The following THEMIS variants were observed in gnomAD, a reference collection of about 807,000 sequenced individuals.
THEMIS encodes the protein protein THEMIS.
THEMIS carries 37 observed loss-of-function variants against 52.6 expected under a neutral mutation model. The observed-to-expected ratio is 0.70, with a 90% CI of 0.54 to 0.93. THEMIS has a LOEUF of 0.93. Among genes scored for constraint, THEMIS ranks in the 40% least tolerant of loss-of-function variants. The probability of loss-of-function intolerance (pLI) is 0.00; values close to 1 mark genes in which losing one functional copy is unlikely to be tolerated. For synonymous variants in THEMIS, 292 were observed against 272.7 expected, an observed-to-expected ratio of 1.07 and a Z score of -0.70; for missense variants, 808 against 763.1, an observed-to-expected ratio of 1.06 and a Z score of -0.69.
Position 127,708,310 on chromosome 6 carries a change from T to C in THEMIS, c.*1675A>G, listed in dbSNP as rs1773859310. 1 of 152,114 alleles carries C rather than the reference T, an allele frequency of 6.6e-6. No homozygotes were observed. The highest frequency in any genetic ancestry group is 2.1e-4 in the South Asian group (1 of 4,832). 9.4% of individuals were successfully genotyped at this position (152,114 alleles called of 1,614,324 possible). A position where few individuals can be genotyped will look rare whatever the true frequency, so the allele number is the denominator to read the frequency against. On this transcript the variant is annotated 3_prime_UTR_variant, in exon 6 of 6. Coordinates refer to ENST00000368248, the MANE Select transcript of THEMIS (RefSeq NM_001010923.3). The stretch of plus-strand genomic sequence containing the variant: ...CTGGAAACACAGTATGTGAAAGGAC[T>C]TATATTTAGAAATGTTATATATGAT...
At chr6:127,894,488 A>G (rs1018918747) in intron 1 of THEMIS, among the ~76,000 whole-genome samples, 1 of 152,024 alleles carries the variant, frequency 6.6e-6, no homozygotes, top group Non-Finnish European at 1.5e-5. Flanking sequence ...ACATGGCAAA[A>G]GTTATAGGAA....
chr6:127,778,361 A>C (rs562644771), intron 4 of THEMIS, among the ~76,000 whole-genome samples: 3 of 152,256 alleles, frequency 2.0e-5, no homozygotes, highest in South Asian at 2.1e-4. Context: ...ATAATCAACG[A>C]ACATCTGTTT....
intron 5 of THEMIS, among the ~76,000 whole-genome samples, chr6:127,712,629 A>G (rs964758853): frequency 9.2e-5 from 14 of 151,906 alleles, no homozygotes; most frequent in African/African-American, 3.4e-4. Context: ...TAACTGAGGT[A>G]TTTGGAATCA....
chr6:127,874,870 G>T (rs187208911), intron 1 of THEMIS, among the ~76,000 whole-genome samples: 4 of 152,328 alleles, frequency 2.6e-5, no homozygotes, highest in African/African-American at 9.6e-5. Flanking sequence ...GTTGAGTAAA[G>T]CAGGGGTCTG....
intron 1 of THEMIS, among the ~76,000 whole-genome samples, chr6:127,872,431 G>A (rs1780185048): frequency 6.6e-6 from 1 of 151,990 alleles, no homozygotes; most frequent in Non-Finnish European, 1.5e-5. Flanking sequence ...AATTAGCCGG[G>A]CACAATGGCA....
chr6:127,898,910 T>TA (rs996354237), intron 1 of THEMIS, among the ~76,000 whole-genome samples: 1 of 151,654 alleles, frequency 6.6e-6, no homozygotes, highest in South Asian at 2.1e-4. Flanking sequence ...TTGTGGGAGC[T>TA]AAAAAAATTG....
chr6:127,817,279 A>G (rs1304327157), intron 3 of THEMIS, among the ~76,000 whole-genome samples: 1 of 152,194 alleles, frequency 6.6e-6, no homozygotes, highest in Non-Finnish European at 1.5e-5. Flanking sequence ...AACAAAGTCC[A>G]TGAGTGACCA....
At chr6:127,779,841 T>C (rs963528795) in intron 4 of THEMIS, among the ~76,000 whole-genome samples, 2 of 152,216 alleles carry the variant, frequency 1.3e-5, no homozygotes, top group African/African-American at 4.8e-5. Context: ...CTGTTTTATA[T>C]AGCTTCAATT....
chr6:127,730,277 T>TACAGAAAAGAAAAGA (rs1554215749), intron 4 of THEMIS, among the ~76,000 whole-genome samples: 1 of 54,672 alleles, frequency 1.8e-5, no homozygotes, highest in African/African-American at 5.8e-5. Context: ...CTATAGGAAA[T>TACAGAAAAGAAAAGA]AAAGAAAAGA....
At chr6:127,749,967 T>A (rs1343903643) in intron 4 of THEMIS, among the ~76,000 whole-genome samples, 4 of 148,846 alleles carry the variant, frequency 2.7e-5, no homozygotes, top group Non-Finnish European at 6.0e-5. Flanking sequence ...TAATAAAAAG[T>A]CATTCCTAAC....
At chr6:127,918,526 A>G (rs1332308655) in exon 1 of THEMIS, 1 of 152,186 alleles carries the variant, frequency 6.6e-6, no homozygotes, top group Non-Finnish European at 1.5e-5. Context: ...TAAGGGATCC[A>G]GGAAGAGCCT....
intron 4 of THEMIS, among the ~76,000 whole-genome samples, chr6:127,788,887 G>C (rs149287632): frequency 3.3e-5 from 5 of 152,234 alleles, no homozygotes; most frequent in Admixed American, 1.3e-4. Flanking sequence ...GTAGTGTTTA[G>C]AGTGAAATTT....
At chr6:127,772,036 G>C (rs1354516109) in intron 4 of THEMIS, among the ~76,000 whole-genome samples, 1 of 152,018 alleles carries the variant, frequency 6.6e-6, no homozygotes, top group Non-Finnish European at 1.5e-5. Flanking sequence ...CTTTATTTCA[G>C]TATATTTAAA....
intron 4 of THEMIS, among the ~76,000 whole-genome samples, chr6:127,806,932 C>T (rs566117210): frequency 2.6e-5 from 4 of 152,294 alleles, no homozygotes; most frequent in Admixed American, 1.3e-4. Flanking sequence ...CCTCTTCTCC[C>T]GTCTTTTTCA....
chr6:127,802,146 G>A (rs1009029167), intron 4 of THEMIS, among the ~76,000 whole-genome samples: 14 of 152,134 alleles, frequency 9.2e-5, no homozygotes, highest in African/African-American at 3.4e-4. Flanking sequence ...GATCTTCCTT[G>A]GTTTAATGTA....
At chr6:127,775,658 A>G (rs1776542308) in intron 4 of THEMIS, among the ~76,000 whole-genome samples, 1 of 151,646 alleles carries the variant, frequency 6.6e-6, no homozygotes, top group African/African-American at 2.4e-5. Flanking sequence ...TTTGCAGTGA[A>G]TGTTCCCCAC....
At chr6:127,716,863 C>T (rs755245219) in intron 5 of THEMIS, among the ~76,000 whole-genome samples, 12 of 151,696 alleles carry the variant, frequency 7.9e-5, no homozygotes, top group Non-Finnish European at 1.8e-4. Flanking sequence ...GCATCCATGT[C>T]TCTACACAAT....
At chr6:127,763,292 A>ACCC (rs1776083556) in intron 4 of THEMIS, among the ~76,000 whole-genome samples, 1 of 152,024 alleles carries the variant, frequency 6.6e-6, no homozygotes, top group Non-Finnish European at 1.5e-5. Context: ...ATAGTGCTGT[A>ACCC]TAACTTACAG....
Position 127,763,600 on chromosome 6 carries a change from A to C in THEMIS, c.1759-43777T>G, listed in dbSNP as rs568193022. Among the ~76,000 whole-genome samples, 10 of 152,132 alleles carry C rather than the reference A, an allele frequency of 6.6e-5. No individual in the cohort carries two copies. In the South Asian group the frequency reaches 2.1e-3, roughly 32 times the overall value. ...AAAAAAGTTACCTTATCCACTTGCA[A>C]ATGATTGAAAATATGTAACTAGAGA... On this transcript the variant is annotated intron_variant, in intron 4 of 5. Transcript: ENST00000368248.
Sources: gnomAD v4.1 joint callset for allele counts (sites outside exome capture counted in the v4.1 genomes callset) on GRCh38, gnomAD v4.1.1 for gene constraint, MANE v1.5 for transcripts, NCBI Gene and HGNC (gene_info 2026-07-23, HGNC 2026-07-21) for gene names.